The following CNTN4 variants were observed in gnomAD, a reference collection of about 807,000 sequenced individuals.
CNTN4 encodes the protein contactin 4.
In CNTN4, 77 loss-of-function variants were observed where a neutral mutation model predicts 122.5. That is an observed-to-expected ratio of 0.63 (90% CI 0.52 to 0.76). The LOEUF (loss-of-function observed/expected upper bound fraction) is 0.76. CNTN4 is among the 30% of genes least tolerant of loss of function. CNTN4 has a pLI of 0.00. For missense variants in CNTN4, 1,256 were observed against 1,259.1 expected, an observed-to-expected ratio of 1.00 and a Z score of 0.04; for synonymous variants, 512 against 447.0, an observed-to-expected ratio of 1.15 and a Z score of -1.83.
At chr3:2,360,434 G>A (rs549963151) in intron 3 of CNTN4, among the ~76,000 whole-genome samples, 14 of 151,918 alleles carry the variant, frequency 9.2e-5, no homozygotes, top group East Asian at 3.9e-4. Context: ...AATTTTGTCC[G>A]TATTTCAGTC....
At chr3:2,495,444 A>G (rs2076427895) in intron 3 of CNTN4, among the ~76,000 whole-genome samples, 1 of 152,188 alleles carries the variant, frequency 6.6e-6, no homozygotes, top group Non-Finnish European at 1.5e-5. Context: ...TCCTGAATCC[A>G]TTGGCTTATT....
In CNTN4 at chr3:3,038,845, GA is replaced by G. The variant is rs987762138; in HGVS notation, c.2093-85del. 3.3e-5 allele frequency: 36 copies of G among 1,078,724 alleles called. No homozygotes were observed. In the African/African-American group the frequency reaches 5.4e-4, roughly 16 times the overall value. The allele number at this position is 1,078,724 out of a possible 1,614,324, so 66.8% of individuals were successfully genotyped here. On this transcript the variant is annotated intron_variant, in intron 18 of 24. Transcript: ENST00000418658. Reference sequence around the variant, plus strand: ...AGGGGCGTGCCTCAGAGTACTCACTGAAAGTGAGTCACCTCTGCCAGGCAAC... The same window carrying G: ...AGGGGCGTGCCTCAGAGTACTCACTGAAGTGAGTCACCTCTGCCAGGCAAC...
chr3:2,608,754 G>A (rs2081359798), intron 4 of CNTN4, among the ~76,000 whole-genome samples: 1 of 152,168 alleles, frequency 6.6e-6, no homozygotes, highest in African/African-American at 2.4e-5. Context: ...CCAGAGTCCT[G>A]GAATTACAGG....
intron 6 of CNTN4, among the ~76,000 whole-genome samples, chr3:2,808,539 A>G (rs2092525224): frequency 6.6e-6 from 1 of 152,124 alleles, no homozygotes; most frequent in Admixed American, 6.6e-5. Flanking sequence ...TAGATGAAGA[A>G]AAGATAATTG....
In CNTN4 at chr3:2,793,357, AGACCTTGCTATTACTACTGGTAAT is replaced by A. The variant is rs2092071737; in HGVS notation, c.359-26127_359-26104del. Among the ~76,000 whole-genome samples, 8 of 152,238 alleles carry A rather than the reference AGACCTTGCTATTACTACTGGTAAT, an allele frequency of 5.3e-5. 2 individuals carry two copies. Reference sequence around the variant, plus strand: ...AGATGAGGTCCAAAAACAAGTTTTAAGACCTTGCTATTACTACTGGTAATGTAGTAATGTTTCTCCATTTCTAGC... The same window carrying A: ...AGATGAGGTCCAAAAACAAGTTTTAAGTAGTAATGTTTCTCCATTTCTAGC... On this transcript the variant is annotated intron_variant, in intron 6 of 24. Coordinates refer to ENST00000418658, the MANE Select transcript of CNTN4 (RefSeq NM_175607.3).
intron 3 of CNTN4, among the ~76,000 whole-genome samples, chr3:2,486,267 C>T (rs2076159546): frequency 6.6e-6 from 1 of 152,066 alleles, no homozygotes; most frequent in Non-Finnish European, 1.5e-5. Context: ...CTGGACACAC[C>T]AGCTTTAAGA....
At chr3:2,612,293 A>C (rs1230340450) in intron 4 of CNTN4, among the ~76,000 whole-genome samples, 2 of 152,144 alleles carry the variant, frequency 1.3e-5, no homozygotes, top group Admixed American at 6.6e-5. Flanking sequence ...TAATGAGATC[A>C]CTTACCTAGC....
At chr3:2,487,066 C>T (rs986841524) in intron 3 of CNTN4, among the ~76,000 whole-genome samples, 1 of 152,062 alleles carries the variant, frequency 6.6e-6, no homozygotes, top group African/African-American at 2.4e-5. Context: ...TTTTTCTCAT[C>T]TAGCAGCTTT....
chr3:2,264,462 A>G (rs1363583892), intron 2 of CNTN4, among the ~76,000 whole-genome samples: 2 of 151,914 alleles, frequency 1.3e-5, no homozygotes, highest in Admixed American at 1.3e-4. Flanking sequence ...TTTTAATGAC[A>G]TTATTGGTTT....
rs572877938 is a variant in CNTN4 at position 2,789,943 on chromosome 3, G to C, written c.359-29543G>C. ...TTATGGTGTTTAGCCATTTAGTAGA[G>C]TATCCAAGGAAGGTAGCTCTTTCTT... On this transcript the variant is annotated intron_variant, in intron 6 of 24. Coordinates refer to ENST00000418658, the MANE Select transcript of CNTN4 (RefSeq NM_175607.3). Among the ~76,000 whole-genome samples the C allele has an allele frequency of 4.6e-5, 7 of 152,300 alleles. No individual in the cohort carries two copies. The East Asian group carries it at 1.2e-3, about 25-fold the overall frequency.
intron 4 of CNTN4, among the ~76,000 whole-genome samples, chr3:2,589,932 A>G (rs1341832061): frequency 6.6e-6 from 1 of 152,234 alleles, no homozygotes; most frequent in Non-Finnish European, 1.5e-5. Flanking sequence ...CACAGTTGTC[A>G]GTTCCATAAT....
intron 4 of CNTN4, among the ~76,000 whole-genome samples, chr3:2,688,466 T>A (rs572152323): frequency 2.0e-5 from 3 of 152,292 alleles, no homozygotes; most frequent in African/African-American, 7.2e-5. Flanking sequence ...TAATTGCAAA[T>A]ATGTGTATAC....
At chr3:2,917,386 A>G (rs889635389) in intron 12 of CNTN4, among the ~76,000 whole-genome samples, 12 of 148,212 alleles carry the variant, frequency 8.1e-5, no homozygotes. Flanking sequence ...TTTTACCACA[A>G]TTTAAAAAAT....
At chr3:2,127,532 G>T (rs977999999) in intron 2 of CNTN4, among the ~76,000 whole-genome samples, 3 of 151,420 alleles carry the variant, frequency 2.0e-5, no homozygotes, top group Non-Finnish European at 4.4e-5. Flanking sequence ...TTACTTTTTT[G>T]ATTGTTTTAA....
At chr3:2,965,461 C>T (rs770787256) in intron 13 of CNTN4, among the ~76,000 whole-genome samples, 3 of 152,190 alleles carry the variant, frequency 2.0e-5, no homozygotes, top group Admixed American at 6.6e-5. Flanking sequence ...AGGTGACCAA[C>T]GCAACTGAGG....
intron 4 of CNTN4, among the ~76,000 whole-genome samples, chr3:2,685,340 A>T (rs1161967889): frequency 1.3e-5 from 2 of 152,170 alleles, no homozygotes; most frequent in African/African-American, 2.4e-5. Context: ...AATTGGTGAT[A>T]AAAATGTTAA....
intron 3 of CNTN4, among the ~76,000 whole-genome samples, chr3:2,448,024 T>C (rs1218386991): frequency 6.6e-6 from 1 of 152,228 alleles, no homozygotes; most frequent in Non-Finnish European, 1.5e-5. Flanking sequence ...TACTGTGATA[T>C]ACTTCTCCTA....
At chr3:2,450,034 T>G (rs1322789215) in intron 3 of CNTN4, among the ~76,000 whole-genome samples, 3 of 152,184 alleles carry the variant, frequency 2.0e-5, no homozygotes, top group Non-Finnish European at 2.9e-5. Flanking sequence ...AACATAGTGC[T>G]TATAGTTAAC....
At chr3:2,267,549 C>G (rs1254478912) in intron 2 of CNTN4, among the ~76,000 whole-genome samples, 1 of 152,178 alleles carries the variant, frequency 6.6e-6, no homozygotes, top group African/African-American at 2.4e-5. Flanking sequence ...AATCATATCT[C>G]ATCTGTGACT....
Sources: allele counts gnomAD v4.1 joint callset (sites outside exome capture counted in the v4.1 genomes callset), GRCh38; gene constraint gnomAD v4.1.1; transcripts MANE v1.5; gene names NCBI Gene and HGNC (gene_info 2026-07-23, HGNC 2026-07-21).